The following ASB9 variants were observed in gnomAD, a reference collection of about 807,000 sequenced individuals.
ASB9 encodes ankyrin repeat and SOCS box protein 9.
Under a neutral mutation model 16.6 loss-of-function variants are expected in ASB9, and 5 were observed. The observed-to-expected ratio is 0.30, with a 90% CI of 0.16 to 0.63. The LOEUF (loss-of-function observed/expected upper bound fraction) is 0.63, where lower values mean the gene tolerates loss of function less well. Ranked by LOEUF, ASB9 falls within the 30% of genes least tolerant of loss-of-function variation. The pLI, the probability that ASB9 is intolerant of heterozygous loss-of-function variation, is 0.82. For missense variants in ASB9, 216 were observed against 229.4 expected (o/e 0.94, Z 0.38); for synonymous variants, 100 against 86.4 (o/e 1.16, Z -0.87).
chrX:15,252,520 T>C lies in ASB9; in HGVS notation c.283-116A>G, dbSNP rs927546803. On this transcript the variant is annotated intron_variant, in intron 3 of 6. Coordinates refer to ENST00000380488, the MANE Select transcript of ASB9 (RefSeq NM_001031739.3). Reference sequence around the variant, plus strand: ...CTCTGAGCCTTAAATTCCTCAGCTATAAAATGGAGAAATAACTACGAAATT... The same window carrying C: ...CTCTGAGCCTTAAATTCCTCAGCTACAAAATGGAGAAATAACTACGAAATT... The C allele has an allele frequency of 2.4e-4, 178 of 744,797 alleles. 2 individuals are homozygous for C. The highest frequency in any genetic ancestry group is 2.6e-4 in the Non-Finnish European group (137 of 532,803). The allele number at this position is 744,797 out of a possible 1,213,427, so 61.4% of individuals were successfully genotyped here.
At chrX:15,244,965 A>G (rs900289692) in intron 6 of ASB9, among the ~76,000 whole-genome samples, 3 of 112,135 alleles carry the variant, frequency 2.7e-5, no homozygotes, top group African/African-American at 9.7e-5. Context: ...TTTATGTTTA[A>G]TGGTGTTCTT....
intron 6 of ASB9, among the ~76,000 whole-genome samples, chrX:15,246,930 C>A (rs1337762637): frequency 1.8e-5 from 2 of 111,737 alleles, no homozygotes; most frequent in African/African-American, 6.5e-5. Flanking sequence ...TTCTTAAAAT[C>A]TTTTCCCTTT....
In ASB9 at chrX:15,250,636, A is replaced by G. The variant is rs760238997; in HGVS notation, c.434-72T>C. 4 of 1,037,879 alleles carry G rather than the reference A, an allele frequency of 3.9e-6. No individual in the cohort carries two copies. The African/African-American group carries it at 7.5e-5, about 19-fold the overall frequency. 85.5% of individuals were successfully genotyped at this position (1,037,879 alleles called of 1,213,427 possible). A position where few individuals can be genotyped will look rare whatever the true frequency, so the allele number is the denominator to read the frequency against. On this transcript the variant is annotated intron_variant, in intron 4 of 6. Transcript: ENST00000380488. Reference sequence around the variant, plus strand: ...TAGCTAGAAAGACATTGCCATCCCCATTTTGCATTAAATTTGGCAGCAGCT... The same window carrying G: ...TAGCTAGAAAGACATTGCCATCCCCGTTTTGCATTAAATTTGGCAGCAGCT...
At chrX:15,268,707 C>T (rs1926749795) in intron 1 of ASB9, among the ~76,000 whole-genome samples, 1 of 107,732 alleles carries the variant, frequency 9.3e-6, no homozygotes, top group African/African-American at 3.4e-5. Flanking sequence ...CGTAAACCAC[C>T]GTGCCCCGCC....
chrX:15,245,613 G>C (rs975514255), intron 6 of ASB9, among the ~76,000 whole-genome samples: 4 of 111,425 alleles, frequency 3.6e-5, no homozygotes, highest in Admixed American at 1.9e-4. Context: ...ACTCACCTGG[G>C]GTGGGGGTAC....
At chrX:15,264,641 G>A (rs1424221274) in intron 1 of ASB9, among the ~76,000 whole-genome samples, 1 of 111,683 alleles carries the variant, frequency 9.0e-6, no homozygotes, top group East Asian at 2.8e-4. Flanking sequence ...CTTGTGCAAA[G>A]GGACAAGCTT....
At chrX:15,257,450 G>A (rs1481748598) in intron 2 of ASB9, among the ~76,000 whole-genome samples, 1 of 110,817 alleles carries the variant, frequency 9.0e-6, no homozygotes. Flanking sequence ...AATAAAACCA[G>A]CATTTAGGTG....
intron 1 of ASB9, among the ~76,000 whole-genome samples, chrX:15,264,107 C>G (rs1926194666): frequency 8.9e-6 from 1 of 111,763 alleles, no homozygotes; most frequent in Admixed American, 9.5e-5. Flanking sequence ...CAGGGCCATA[C>G]TCTATCCAAA....
chrX:15,250,499 G>A lies in ASB9; in HGVS notation c.499C>T (p.Leu167=), dbSNP rs1925020651. The A allele has an allele frequency of 1.7e-6, 2 of 1,209,551 alleles. No individual in the cohort carries two copies. The highest frequency in any genetic ancestry group is 5.9e-5 in the East Asian group (2 of 33,845). The part of the protein sequence containing the change: ...GGNIDHKISH[L]GTPLYLACEN... ...CAAGCCAAATAGAGTGGAGTGCCCA[G>A]GTGGCTGATCTTATGGTCAATGTTG... Residue 167 remains leucine, a synonymous_variant, in exon 5 of 7, where the codon CTG becomes TTG. Transcript: ENST00000380488.
Position 15,244,625 on chromosome X carries a change from G to C in ASB9, c.766C>G (p.Pro256Ala). 1 of 1,204,883 alleles carries C rather than the reference G, an allele frequency of 8.3e-7. No homozygotes were observed. Among genetic ancestry groups the C allele is most frequent in the Non-Finnish European group, 1.1e-6 (1 of 891,053 alleles). ...AGGCGGCATAACTGCATCAAAGAAG[G>C]GGGCCCTGGAGAAAGATCATAAGAC... ...AQLFLEREGP[P>A]SLMQLCRLRI... Residue 256 changes from proline to alanine, a missense_variant, in exon 7 of 7, where the codon CCT (proline) becomes GCT (alanine). Transcript: ENST00000380488.
intron 1 of ASB9, among the ~76,000 whole-genome samples, chrX:15,266,221 G>A (rs934482287): frequency 1.5e-4 from 17 of 112,080 alleles, no homozygotes; most frequent in African/African-American, 4.5e-4. Context: ...TTACAGGCGT[G>A]AGCCACCGTG....
At chrX:15,256,432 C>T (rs964516260) in intron 2 of ASB9, among the ~76,000 whole-genome samples, 1 of 102,083 alleles carries the variant, frequency 9.8e-6, no homozygotes, top group African/African-American at 3.6e-5. Flanking sequence ...ACTCTCCTGC[C>T]TCAGCCTCCC....
chrX:15,267,417 A>ATATATATATATATAT (rs1555934601), intron 1 of ASB9, among the ~76,000 whole-genome samples: 1 of 78,029 alleles, frequency 1.3e-5, no homozygotes, highest in African/African-American at 5.2e-5. Flanking sequence ...CTAAAAAAAA[A>ATATATATATATATAT]ATATATATAT....
rs906655122 is a variant in ASB9 at position 15,244,342 on chromosome X, A to T, written c.*164T>A. The stretch of plus-strand genomic sequence containing the variant: ...GCTTGAGTTTAACAAATACAAATTG[A>T]ATAGAAAAAATTAGTCAAACTCCAT... On this transcript the variant is annotated 3_prime_UTR_variant, in exon 7 of 7. Coordinates refer to ENST00000380488, the MANE Select transcript of ASB9 (RefSeq NM_001031739.3). 14 of 573,750 alleles carry T rather than the reference A, an allele frequency of 2.4e-5. No individual in the cohort carries two copies. The highest frequency in any genetic ancestry group is 5.6e-4 in the Middle Eastern group (1 of 1,797). 47.3% of individuals were successfully genotyped at this position (573,750 alleles called of 1,213,427 possible).
intron 1 of ASB9, among the ~76,000 whole-genome samples, chrX:15,263,890 A>G (rs922397968): frequency 8.9e-6 from 1 of 111,803 alleles, no homozygotes; most frequent in Admixed American, 9.6e-5. Flanking sequence ...TAACACTGGG[A>G]ACAGTGATTA....
intron 2 of ASB9, among the ~76,000 whole-genome samples, chrX:15,258,175 G>A (rs765668809): frequency 2.4e-4 from 27 of 112,061 alleles, no homozygotes; most frequent in Non-Finnish European, 4.1e-4. Flanking sequence ...AGCAGAAACC[G>A]GGGCTCTAAA....
intron 1 of ASB9, among the ~76,000 whole-genome samples, chrX:15,263,013 A>G (rs1208770870): frequency 2.7e-5 from 3 of 112,285 alleles, no homozygotes; most frequent in Non-Finnish European, 5.6e-5. Context: ...TCTTTCTTTT[A>G]AATTGTACCC....
chrX:15,250,911 TG>T lies in ASB9; in HGVS notation c.434-348del, dbSNP rs1438176042. Among the ~76,000 whole-genome samples the T allele has an allele frequency of 7.2e-5, 8 of 111,044 alleles. No homozygotes were observed. In the East Asian group the frequency reaches 2.0e-3, roughly 28 times the overall value. ...AACTTTTTTGTATTTTTAGTAGAGATGGGGTTTCACCGTGTTAGCCAGGATG... is the reference window on the plus strand; with the variant it reads ...AACTTTTTTGTATTTTTAGTAGAGATGGGTTTCACCGTGTTAGCCAGGATG... On this transcript the variant is annotated intron_variant, in intron 4 of 6. Transcript: ENST00000380488.
intron 6 of ASB9, among the ~76,000 whole-genome samples, chrX:15,246,812 C>T (rs1464918899): frequency 9.0e-6 from 1 of 111,539 alleles, no homozygotes; most frequent in African/African-American, 3.3e-5. Flanking sequence ...CCAAAGTGCA[C>T]TGGGTGAGGG....
Sources: gnomAD v4.1 joint callset for allele counts (sites outside exome capture counted in the v4.1 genomes callset) on GRCh38, gnomAD v4.1.1 for gene constraint, MANE v1.5 for transcripts, NCBI Gene and HGNC (gene_info 2026-07-23, HGNC 2026-07-21) for gene names.